The following CHURC1 variants were observed in gnomAD, a reference collection of about 807,000 sequenced individuals.
The protein encoded by CHURC1 is churchill domain containing 1.
In CHURC1, 12 loss-of-function variants were observed where a neutral mutation model predicts 15.4. That is an observed-to-expected ratio of 0.78 (90% CI 0.50 to 1.27). The LOEUF (loss-of-function observed/expected upper bound fraction) is 1.27. Ranked by LOEUF, CHURC1 falls within the 50% of genes most tolerant of loss-of-function variation. The probability of loss-of-function intolerance (pLI) is 0.00; values close to 1 mark genes in which losing one functional copy is unlikely to be tolerated. For synonymous variants in CHURC1, 42 were observed against 47.5 expected (o/e 0.88, Z 0.48); for missense variants, 132 against 137.8 (o/e 0.96, Z 0.21).
chr14:64,932,477 G>A lies in CHURC1; in HGVS notation c.*247G>A. The A allele has an allele frequency of 8.4e-7, 1 of 1,188,402 alleles. No homozygotes were observed. Among genetic ancestry groups the A allele is most frequent in the South Asian group, 2.8e-5 (1 of 36,258 alleles). 73.6% of individuals were successfully genotyped at this position (1,188,402 alleles called of 1,614,324 possible). A position where few individuals can be genotyped will look rare whatever the true frequency, so the allele number is the denominator to read the frequency against. ...AAGCATCTTTGTTAGCAGTTATGTG[G>A]TCAGAAAACAACTAGAATGGGAGCA... On this transcript the variant is annotated 3_prime_UTR_variant, in exon 4 of 4. Coordinates refer to ENST00000549115, the MANE Select transcript of CHURC1 (RefSeq NM_001386928.1).
At chr14:64,919,849 A>T (rs1196956495) in intron 1 of CHURC1, among the ~76,000 whole-genome samples, 12 of 151,938 alleles carry the variant, frequency 7.9e-5, no homozygotes, top group Non-Finnish European at 1.6e-4. Flanking sequence ...GCGCCACAGC[A>T]TTCCAGCCTG....
Position 64,934,065 on chromosome 14 carries a change from G to T in CHURC1, c.*1835G>T. The T allele has an allele frequency of 1.0e-6, 1 of 971,350 alleles. No individual in the cohort carries two copies. Among genetic ancestry groups the T allele is most frequent in the Non-Finnish European group, 1.2e-6 (1 of 826,632 alleles). The allele number at this position is 971,350 out of a possible 1,614,324, so 60.2% of individuals were successfully genotyped here. ...GCACAAAGAAGTTAAATAACTTGCCGGGTGCGGTGGCTCACCCCTGTAATC... is the reference window on the plus strand; with the variant it reads ...GCACAAAGAAGTTAAATAACTTGCCTGGTGCGGTGGCTCACCCCTGTAATC... On this transcript the variant is annotated 3_prime_UTR_variant, in exon 4 of 4. Coordinates refer to ENST00000549115, the MANE Select transcript of CHURC1 (RefSeq NM_001386928.1).
rs1885236913 is a variant in CHURC1, at chr14:64,934,505, A to T, written c.*2275A>T. The T allele has an allele frequency of 1.0e-6, 1 of 985,280 alleles. No individual in the cohort carries two copies. The highest frequency in any genetic ancestry group is 6.1e-5 in the Admixed American group (1 of 16,272). The allele number at this position is 985,280 out of a possible 1,614,324, so 61.0% of individuals were successfully genotyped here. On this transcript the variant is annotated 3_prime_UTR_variant, in exon 4 of 4. Transcript: ENST00000549115. Reference sequence around the variant, plus strand: ...TAGGAAGAGGTTAAGAATATCAGTGACAGTACTCTGAGGCATCTGGGCATG... The same window carrying T: ...TAGGAAGAGGTTAAGAATATCAGTGTCAGTACTCTGAGGCATCTGGGCATG...
At chr14:64,917,123 T>C (rs1490838913) in intron 1 of CHURC1, among the ~76,000 whole-genome samples, 1 of 152,110 alleles carries the variant, frequency 6.6e-6, no homozygotes, top group African/African-American at 2.4e-5. Flanking sequence ...CATGAGATAA[T>C]GAAGACCTTA....
At chr14:64,929,047 C>G (rs1448683214) in intron 3 of CHURC1, among the ~76,000 whole-genome samples, 2 of 152,028 alleles carry the variant, frequency 1.3e-5, no homozygotes, top group Admixed American at 1.3e-4. Flanking sequence ...GACTCTGGCA[C>G]CACACCTCAT....
Position 64,932,267 on chromosome 14 carries a change from T to C in CHURC1, c.*37T>C. 1 of 1,605,790 alleles carries C rather than the reference T, an allele frequency of 6.2e-7. No homozygotes were observed. Among genetic ancestry groups the C allele is most frequent in the Non-Finnish European group, 8.5e-7 (1 of 1,175,500 alleles). ...CAGATCTGTTATAACTATATTGTGT[T>C]GGTTTACAATACAGCAAGCCTGATG... On this transcript the variant is annotated 3_prime_UTR_variant, in exon 4 of 4. Coordinates refer to ENST00000549115, the MANE Select transcript of CHURC1 (RefSeq NM_001386928.1).
intron 1 of CHURC1, 64 bp downstream of exon 1, chr14:64,914,598 G>A (rs1165608764): frequency 1.2e-6 from 2 of 1,607,670 alleles, no homozygotes; most frequent in Admixed American, 1.7e-5. Context: ...TCCAAGGCTG[G>A]CCTTCCCAGA....
chr14:64,924,214 A>G (rs1884522119), intron 2 of CHURC1, 88 bp downstream of exon 2: 2 of 1,426,442 alleles, frequency 1.4e-6, no homozygotes, highest in South Asian at 1.7e-5. Context: ...TCTGAGGCCT[A>G]TTTCAATATT....
chr14:64,918,963 A>G (rs1278022073), intron 1 of CHURC1, among the ~76,000 whole-genome samples: 1 of 152,274 alleles, frequency 6.6e-6, no homozygotes, highest in African/African-American at 2.4e-5. Flanking sequence ...TTTACAGACT[A>G]GAAATATATA....
At chr14:64,925,935 A>G in intron 2 of CHURC1, 75 bp from the exon 3 acceptor site, 2 of 1,093,370 alleles carry the variant, frequency 1.8e-6, no homozygotes, top group Non-Finnish European at 2.6e-6. Context: ...TAATATGCTG[A>G]GAATAGAAAT....
At chr14:64,917,983 A>G (rs1359320226) in intron 1 of CHURC1, among the ~76,000 whole-genome samples, 2 of 152,224 alleles carry the variant, frequency 1.3e-5, no homozygotes, top group Non-Finnish European at 2.9e-5. Context: ...TTTGGGTACA[A>G]CTATGTAGAT....
chr14:64,917,410 A>C (rs1163505278), intron 1 of CHURC1, among the ~76,000 whole-genome samples: 1 of 152,222 alleles, frequency 6.6e-6, no homozygotes, highest in African/African-American at 2.4e-5. Flanking sequence ...TAAAAATACA[A>C]AAATTAGCTG....
chr14:64,918,816 G>T (rs1884073237), intron 1 of CHURC1, among the ~76,000 whole-genome samples: 2 of 152,070 alleles, frequency 1.3e-5, no homozygotes, highest in Admixed American at 1.3e-4. Context: ...CTGAGCAACA[G>T]AGCAAAACCC....
intron 2 of CHURC1, among the ~76,000 whole-genome samples, chr14:64,925,389 T>G (rs746880227): frequency 3.9e-5 from 6 of 152,160 alleles, no homozygotes; most frequent in Non-Finnish European, 8.8e-5. Context: ...TAGGTCCAGC[T>G]GGGATGGGTG....
intron 3 of CHURC1, among the ~76,000 whole-genome samples, chr14:64,927,838 AG>A (rs1314382387): frequency 6.6e-6 from 1 of 151,824 alleles, no homozygotes; most frequent in East Asian, 1.9e-4. Flanking sequence ...CAGGAGACTG[AG>A]GCAGGAGAAT....
chr14:64,914,597 G>C (rs1883726002), intron 1 of CHURC1, 63 bp downstream of exon 1: 1 of 1,607,696 alleles, frequency 6.2e-7, no homozygotes, highest in African/African-American at 1.3e-5. Context: ...ATCCAAGGCT[G>C]GCCTTCCCAG....
chr14:64,921,612 T>C (rs943403450), intron 1 of CHURC1, among the ~76,000 whole-genome samples: 4 of 152,198 alleles, frequency 2.6e-5, no homozygotes, highest in African/African-American at 9.7e-5. Context: ...TACAATGAGA[T>C]ACCACTTTAC....
At chr14:64,925,916 C>A in intron 2 of CHURC1, 94 bp from the exon 3 acceptor site, 1 of 877,330 alleles carries the variant, frequency 1.1e-6, no homozygotes, top group Non-Finnish European at 1.7e-6. Context: ...ACTTAAGATT[C>A]TCTTTAAATA....
intron 1 of CHURC1, among the ~76,000 whole-genome samples, chr14:64,919,727 T>G (rs1341687127): frequency 6.6e-6 from 1 of 151,572 alleles, no homozygotes. Context: ...TACCAAACAA[T>G]GCAAAAATTA....
Sources: allele counts gnomAD v4.1 joint callset (sites outside exome capture counted in the v4.1 genomes callset), GRCh38; gene constraint gnomAD v4.1.1; transcripts MANE v1.5; gene names NCBI Gene and HGNC (gene_info 2026-07-23, HGNC 2026-07-21).